SMAP1: variants seen among roughly 807,000 people sequenced by gnomAD.
The protein encoded by SMAP1 is stromal membrane-associated protein 1.
Under a neutral mutation model 58.5 loss-of-function variants are expected in SMAP1, and 24 were observed. The observed-to-expected ratio is 0.41, with a 90% CI of 0.30 to 0.58. The LOEUF (loss-of-function observed/expected upper bound fraction) is 0.58. Ranked by LOEUF, SMAP1 falls within the 20% of genes least tolerant of loss-of-function variation. SMAP1 has a pLI of 0.29. For synonymous variants in SMAP1, 216 were observed against 196.6 expected (o/e 1.10, Z -0.82); for missense variants, 563 against 566.3 (o/e 0.99, Z 0.06).
chr6:70,772,412 G>A (rs1387067162), intron 3 of SMAP1, among the ~76,000 whole-genome samples: 1 of 152,148 alleles, frequency 6.6e-6, no homozygotes, highest in Non-Finnish European at 1.5e-5. Context: ...GATCCACAGA[G>A]ATATTATATT....
intron 5 of SMAP1, among the ~76,000 whole-genome samples, chr6:70,796,346 G>A (rs1171833738): frequency 2.0e-5 from 3 of 152,212 alleles, no homozygotes; most frequent in Admixed American, 6.5e-5. Flanking sequence ...GGGCTCCATA[G>A]TCCCTCAGTC....
chr6:70,690,722 T>C (rs949852385), intron 1 of SMAP1, among the ~76,000 whole-genome samples: 2 of 150,796 alleles, frequency 1.3e-5, no homozygotes, highest in African/African-American at 4.9e-5. Context: ...TTGAATTTGA[T>C]TTGCTATGAT....
chr6:70,668,577 C>A, intron 1 of SMAP1: 1 of 1,535,562 alleles, frequency 6.5e-7, no homozygotes, highest in South Asian at 1.2e-5. Context: ...CTCCTCTACC[C>A]TCCGGTGTGA....
At chr6:70,830,708 A>G (rs1770323483) in intron 6 of SMAP1, among the ~76,000 whole-genome samples, 2 of 152,248 alleles carry the variant, frequency 1.3e-5, no homozygotes, top group Non-Finnish European at 2.9e-5. Flanking sequence ...TTTCAGGAAG[A>G]CATAATCCAT....
chr6:70,857,025 C>T lies in SMAP1; in HGVS notation c.956C>T (p.Thr319Ile). The T allele has an allele frequency of 6.2e-7, 1 of 1,600,986 alleles. No homozygotes were observed. Among genetic ancestry groups the T allele is most frequent in the Non-Finnish European group, 8.5e-7 (1 of 1,173,658 alleles). Residue 319 changes from threonine to isoleucine, a missense_variant, in exon 9 of 11, where the codon ACT (threonine) becomes ATT (isoleucine). Thr to Ile is a moderately conservative substitution (Grantham distance 89). Around this residue, in one of 3 missense-constraint regions of SMAP1, gnomAD observed 494 missense variants for 473.8 expected, o/e 1.04. Coordinates refer to ENST00000370455, the MANE Select transcript of SMAP1 (RefSeq NM_001044305.3). ...YGTGTIQQQS[T>I]PGVFMGPTNI... ...ACAGGAACCATTCAACAGCAAAGTA[C>T]TCCTGGTAATGAATTTTGATATCTG...
intron 6 of SMAP1, among the ~76,000 whole-genome samples, chr6:70,816,859 T>C (rs1360190391): frequency 2.0e-5 from 3 of 152,204 alleles, no homozygotes; most frequent in Admixed American, 2.0e-4. Flanking sequence ...CGTTAAACTT[T>C]ATAGCATTTA....
chr6:70,819,920 A>G (rs573789514), intron 6 of SMAP1, among the ~76,000 whole-genome samples: 168 of 152,268 alleles, frequency 1.1e-3, no homozygotes, highest in Admixed American at 2.5e-3. Flanking sequence ...GAAATCCCCT[A>G]TTACTATGTG....
At chr6:70,791,490 G>A (rs971593186) in intron 4 of SMAP1, among the ~76,000 whole-genome samples, 199 bp from the exon 5 acceptor site, 12 of 152,062 alleles carry the variant, frequency 7.9e-5, no homozygotes, top group Admixed American at 2.0e-4. Flanking sequence ...TATTCAGTAC[G>A]AAATCCTTTT....
At chr6:70,700,801 A>G (rs532779108) in intron 1 of SMAP1, among the ~76,000 whole-genome samples, 1 of 152,338 alleles carries the variant, frequency 6.6e-6, no homozygotes, top group African/African-American at 2.4e-5. Flanking sequence ...GGCAAGTATT[A>G]CCTGCTGGTG....
chr6:70,782,774 A>C (rs899925805), intron 4 of SMAP1, among the ~76,000 whole-genome samples: 2 of 152,150 alleles, frequency 1.3e-5, no homozygotes, highest in Non-Finnish European at 2.9e-5. Context: ...TTTGGATTTG[A>C]AGAGAGGCCA....
At chr6:70,765,259 A>G (rs1419749420) in intron 3 of SMAP1, among the ~76,000 whole-genome samples, 1 of 152,212 alleles carries the variant, frequency 6.6e-6, no homozygotes, top group East Asian at 1.9e-4. Flanking sequence ...AATGTCTTTG[A>G]TAGGTTCTTA....
At chr6:70,768,669 C>G (rs1292907403) in intron 3 of SMAP1, among the ~76,000 whole-genome samples, 1 of 151,514 alleles carries the variant, frequency 6.6e-6, no homozygotes, top group Non-Finnish European at 1.5e-5. Flanking sequence ...TGCTAGTGGT[C>G]TATCAATTTT....
At chr6:70,859,244 C>G in intron 10 of SMAP1, 1 of 890,090 alleles carries the variant, frequency 1.1e-6, no homozygotes, top group Non-Finnish European at 1.7e-6. Flanking sequence ...GTGTCAGTCA[C>G]ATGGTCAACA....
chr6:70,731,277 T>C (rs1416626591), intron 1 of SMAP1, among the ~76,000 whole-genome samples: 2 of 152,238 alleles, frequency 1.3e-5, no homozygotes, highest in African/African-American at 4.8e-5. Flanking sequence ...TCTGAAGCAA[T>C]TTTTAAAATT....
At chr6:70,788,253 G>C (rs936840835) in intron 4 of SMAP1, among the ~76,000 whole-genome samples, 1 of 135,986 alleles carries the variant, frequency 7.4e-6, no homozygotes, top group Non-Finnish European at 1.5e-5. Flanking sequence ...TGAACGATGA[G>C]AACACATGGA....
chr6:70,762,730 A>G (rs1418200891), intron 3 of SMAP1, among the ~76,000 whole-genome samples: 1 of 152,150 alleles, frequency 6.6e-6, no homozygotes, highest in Non-Finnish European at 1.5e-5. Context: ...TTATTTTTAT[A>G]TCTTTGAAAA....
intron 6 of SMAP1, among the ~76,000 whole-genome samples, chr6:70,825,780 T>G (rs1770089533): frequency 1.3e-5 from 2 of 152,194 alleles, no homozygotes; most frequent in Non-Finnish European, 2.9e-5. Flanking sequence ...TAAGTTGGAA[T>G]AACAGGCATC....
chr6:70,764,750 A>G (rs117599328), intron 3 of SMAP1, among the ~76,000 whole-genome samples: 1 of 152,226 alleles, frequency 6.6e-6, no homozygotes, highest in African/African-American at 2.4e-5. Flanking sequence ...ATGCCTGTCA[A>G]TACAACATCT....
At chr6:70,850,111 G>T (rs1274735468) in intron 7 of SMAP1, among the ~76,000 whole-genome samples, 1 of 152,186 alleles carries the variant, frequency 6.6e-6, no homozygotes, top group Non-Finnish European at 1.5e-5. Flanking sequence ...TCTGAGAGGA[G>T]TCTAAGGTAC....
Sources: gnomAD v4.1 joint callset for allele counts (sites outside exome capture counted in the v4.1 genomes callset) on GRCh38, gnomAD v4.1.1 for gene constraint, gnomAD v4.1.1 regional missense constraint, MANE v1.5 for transcripts, NCBI Gene and HGNC (gene_info 2026-07-23, HGNC 2026-07-21) for gene names.